HSPB7: variants seen among roughly 807,000 people sequenced by gnomAD.
HSPB7 encodes heat shock protein beta-7.
Under a neutral mutation model 11.0 loss-of-function variants are expected in HSPB7, and 9 were observed. The observed-to-expected ratio is 0.82, with a 90% CI of 0.49 to 1.43. The LOEUF is 1.43. Ranked by LOEUF, HSPB7 falls within the 40% of genes most tolerant of loss-of-function variation. HSPB7 has a pLI of 0.00. For synonymous variants in HSPB7, 102 were observed against 101.6 expected, an observed-to-expected ratio of 1.00 and a Z score of -0.02; for missense variants, 246 against 243.9, an observed-to-expected ratio of 1.01 and a Z score of -0.06.
intron 2 of HSPB7, among the ~76,000 whole-genome samples, chr1:16,016,551 G>A (rs2021742925): frequency 6.6e-6 from 1 of 152,192 alleles, no homozygotes; most frequent in Non-Finnish European, 1.5e-5. Context: ...CGAAACTGCA[G>A]GGCCCCTGCC....
upstream of HSPB7, chr1:16,019,416 T>C (rs1178848918): frequency 4.5e-6 from 7 of 1,545,888 alleles, no homozygotes; most frequent in Non-Finnish European, 5.3e-6. Context: ...GTGTCCCTTC[T>C]TCCCTATCCA....
chr1:16,017,320 C>T lies in HSPB7; in HGVS notation c.200-113G>A, dbSNP rs1739845. On this transcript the variant is annotated intron_variant, in intron 1 of 2. Coordinates refer to ENST00000311890, the MANE Select transcript of HSPB7 (RefSeq NM_014424.5). ...CGGCTCCCCCAGGCCCTACCTCCCC[C>T]CTAGCTGTTTCTCCCTAAGCTCCTC... 159 of 1,414,480 alleles carry T rather than the reference C, an allele frequency of 1.1e-4. No homozygotes were observed. In the Middle Eastern group the frequency reaches 1.8e-3, roughly 16 times the overall value. 87.6% of individuals were successfully genotyped at this position (1,414,480 alleles called of 1,614,324 possible).
At chr1:16,019,300 A>G, upstream of HSPB7, 2 of 1,449,324 alleles carry the variant, frequency 1.4e-6, no homozygotes, top group Non-Finnish European at 1.9e-6. Context: ...GCTCCTGCTC[A>G]CATGGGCCCA....
upstream of HSPB7, chr1:16,018,262 C>G: frequency 1.4e-6 from 2 of 1,406,228 alleles, no homozygotes; most frequent in Non-Finnish European, 1.9e-6. Context: ...GGGGCCTCCT[C>G]ACCACTGCAC....
chr1:16,017,273 C>A, intron 1 of HSPB7, 66 bp from the exon 2 acceptor site: 2 of 1,578,246 alleles, frequency 1.3e-6, no homozygotes, highest in Admixed American at 1.7e-5. Flanking sequence ...GGGGTTCTGG[C>A]TCCTTCTCTT....
At chr1:16,017,288 CA>C in intron 1 of HSPB7, 81 bp from the exon 2 acceptor site, 1 of 1,556,922 alleles carries the variant, frequency 6.4e-7, no homozygotes, top group Non-Finnish European at 8.7e-7. Context: ...TCTCTTGGGG[CA>C]AGGGGCGGCT....
At chr1:16,019,580 G>C (rs1321983432), upstream of HSPB7, 6 of 1,175,334 alleles carry the variant, frequency 5.1e-6, no homozygotes, top group Non-Finnish European at 7.0e-6. Context: ...TAGCGGTGCT[G>C]GTGGTATGTG....
upstream of HSPB7, chr1:16,018,597 C>A: frequency 9.6e-7 from 1 of 1,043,200 alleles, no homozygotes; most frequent in Non-Finnish European, 1.2e-6. Context: ...CCCTGCCAGC[C>A]CCCATGGGGA....
chr1:16,017,410 A>T lies in HSPB7; in HGVS notation c.200-203T>A, dbSNP rs533067162. The T allele has an allele frequency of 3.1e-5, 20 of 646,888 alleles. No homozygotes were observed. The South Asian group carries it at 4.2e-4, about 13-fold the overall frequency. 40.1% of individuals were successfully genotyped at this position (646,888 alleles called of 1,614,324 possible). On this transcript the variant is annotated intron_variant, in intron 1 of 2. Transcript: ENST00000311890. ...GCCTCACCCAGCACAGTGTGTGTGT[A>T]TATGAGGCTAGGTCTGTAACAACCC...
chr1:16,017,393 C>T (rs2021821233), intron 1 of HSPB7, 186 bp from the exon 2 acceptor site: 1 of 708,430 alleles, frequency 1.4e-6, no homozygotes, highest in Non-Finnish European at 2.3e-6. Flanking sequence ...GGGCCTCACC[C>T]AGCACAGTGT....
At chr1:16,018,700 A>ACCTTCT, upstream of HSPB7, 8 of 1,038,952 alleles carry the variant, frequency 7.7e-6, no homozygotes, top group Non-Finnish European at 9.3e-6. Context: ...AAGGTCTAGA[A>ACCTTCT]GGTTGTGTTC....
intron 1 of HSPB7, chr1:16,017,470 C>A: frequency 1.7e-6 from 1 of 589,948 alleles, no homozygotes; most frequent in Non-Finnish European, 3.0e-6. Context: ...CTGCCCCCCA[C>A]CGCTCACCCA....
chr1:16,014,576 T>G lies in HSPB7; in HGVS notation c.*1004A>C, dbSNP rs2021559863. On this transcript the variant is annotated 3_prime_UTR_variant, in exon 3 of 3. Transcript: ENST00000311890. ...AATCTGATTTGAGAAAGCTCTGAAT[T>G]TGGCCTCAACCAATGGTAATGCTGA... 1 of 152,214 alleles carries G rather than the reference T, an allele frequency of 6.6e-6. No homozygotes were observed. The highest frequency in any genetic ancestry group is 1.5e-5 in the Non-Finnish European group (1 of 68,040). The allele number at this position is 152,214 out of a possible 1,614,324, so 9.4% of individuals were successfully genotyped here.
chr1:16,018,564 G>C (rs1029732728), upstream of HSPB7: 7 of 1,063,954 alleles, frequency 6.6e-6, no homozygotes, highest in Admixed American at 3.1e-4. Flanking sequence ...GCCCTGCCAG[G>C]GGGTGTAAAA....
chr1:16,017,091 C>T lies in HSPB7; in HGVS notation c.316G>A (p.Glu106Lys). The T allele has an allele frequency of 3.1e-6, 5 of 1,611,092 alleles. No homozygotes were observed. Among genetic ancestry groups the T allele is most frequent in the Middle Eastern group, 1.7e-4 (1 of 6,054 alleles). ...GGGCTCACCTTCTCAGCCCGCACCT[C>T]GATGTGGTTGTTGGAGGTGGTGACA... The part of the protein sequence containing the change: ...IIVTTSNNHI[E>K]VRAEKLAADG... Residue 106 changes from glutamate to lysine, a missense_variant, in exon 2 of 3, where the codon GAG (glutamate) becomes AAG (lysine). By Grantham distance (56) the Glu-to-Lys change is moderately conservative. Coordinates refer to ENST00000311890, the MANE Select transcript of HSPB7 (RefSeq NM_014424.5).
upstream of HSPB7, chr1:16,019,092 CCCTCCCTACCCA>C: frequency 6.8e-7 from 1 of 1,471,592 alleles, no homozygotes; most frequent in Non-Finnish European, 9.1e-7. Flanking sequence ...CCAGAGAAGC[CCCTCCCTACCCA>C]CCTGCTTGCT....
rs566977530 is a variant in HSPB7 at position 16,018,041 on chromosome 1, C to T, written c.-78G>A. The T allele has an allele frequency of 4.4e-6, 7 of 1,608,484 alleles. No individual in the cohort carries two copies. Among genetic ancestry groups the T allele is most frequent in the African/African-American group, 1.3e-5 (1 of 74,986 alleles). On this transcript the variant is annotated 5_prime_UTR_variant, in exon 1 of 3. Coordinates refer to ENST00000311890, the MANE Select transcript of HSPB7 (RefSeq NM_014424.5). Reference sequence around the variant, plus strand: ...GTGTGGGCGCAGGCCTCTGGGCGAGCGTGCCAGGCTCCGACTGCGGCCGCT... The same window carrying T: ...GTGTGGGCGCAGGCCTCTGGGCGAGTGTGCCAGGCTCCGACTGCGGCCGCT...
At chr1:16,019,380 C>T, upstream of HSPB7, 1 of 1,490,338 alleles carries the variant, frequency 6.7e-7, no homozygotes, top group South Asian at 1.2e-5. Flanking sequence ...GTGACATAGT[C>T]TTCCTGTGTG....
At chr1:16,018,339 GTTTA>G, upstream of HSPB7, 1 of 1,235,128 alleles carries the variant, frequency 8.1e-7, no homozygotes, top group Middle Eastern at 3.5e-4. Context: ...CAAGTTTGGG[GTTTA>G]TTGTGTGTTT....
Sources: allele counts gnomAD v4.1 joint callset (sites outside exome capture counted in the v4.1 genomes callset), GRCh38; gene constraint gnomAD v4.1.1; transcripts MANE v1.5; gene names NCBI Gene and HGNC (gene_info 2026-07-23, HGNC 2026-07-21).